STX8: variants seen among roughly 807,000 people sequenced by gnomAD.
STX8 encodes syntaxin 8.
STX8 carries 23 observed loss-of-function variants against 37.5 expected under a neutral mutation model. That is an observed-to-expected ratio of 0.61 (90% CI 0.44 to 0.87). The LOEUF (loss-of-function observed/expected upper bound fraction) is 0.87. Ranked by LOEUF, STX8 falls within the 40% of genes least tolerant of loss-of-function variation. The pLI is 0.00. For missense variants in STX8, 313 were observed against 284.7 expected (o/e 1.10, Z -0.71); for synonymous variants, 115 against 99.1 (o/e 1.16, Z -0.95).
chr17:9,461,596 T>C (rs1905391179), intron 6 of STX8, among the ~76,000 whole-genome samples: 1 of 152,166 alleles, frequency 6.6e-6, no homozygotes, highest in South Asian at 2.1e-4. Context: ...CAGAGAAAGC[T>C]GGTGCTTGTG....
At chr17:9,438,477 T>C (rs1345787711) in intron 6 of STX8, among the ~76,000 whole-genome samples, 1 of 152,126 alleles carries the variant, frequency 6.6e-6, no homozygotes, top group Non-Finnish European at 1.5e-5. Flanking sequence ...GGTAATTCAT[T>C]GGCACACTAA....
intron 7 of STX8, among the ~76,000 whole-genome samples, chr17:9,336,414 T>A (rs1186413102): frequency 6.6e-6 from 1 of 151,432 alleles, no homozygotes; most frequent in African/African-American, 2.4e-5. Context: ...CTCCCTTCCT[T>A]CCCCTTCCTT....
chr17:9,410,457 C>G (rs1222017101), intron 6 of STX8, among the ~76,000 whole-genome samples: 1 of 152,200 alleles, frequency 6.6e-6, no homozygotes, highest in African/African-American at 2.4e-5. Flanking sequence ...ACAGTGGAGA[C>G]TGGCTCCCAC....
chr17:9,338,500 C>T, intron 7 of STX8, among the ~76,000 whole-genome samples: 1 of 152,152 alleles, frequency 6.6e-6, no homozygotes, highest in East Asian at 1.9e-4. Context: ...ACTCAAGTCT[C>T]TTCCAGTCAT....
chr17:9,255,553 A>AGT (rs1567756283), intron 7 of STX8, among the ~76,000 whole-genome samples: 1 of 28,146 alleles, frequency 3.6e-5, no homozygotes, highest in Non-Finnish European at 2.3e-4. Context: ...TAAATAAATA[A>AGT]ATATATAAAT....
At chr17:9,323,426 ACT>A (rs1409530514) in intron 7 of STX8, among the ~76,000 whole-genome samples, 3 of 152,192 alleles carry the variant, frequency 2.0e-5, no homozygotes, top group African/African-American at 7.2e-5. Flanking sequence ...ACGTCAAATA[ACT>A]CTGTATTTTA....
At chr17:9,515,019 G>T (rs760730436) in intron 4 of STX8, among the ~76,000 whole-genome samples, 3 of 151,990 alleles carry the variant, frequency 2.0e-5, no homozygotes, top group Non-Finnish European at 4.4e-5. Flanking sequence ...TTATATAGTC[G>T]GCATTGCTCT....
intron 6 of STX8, among the ~76,000 whole-genome samples, chr17:9,434,138 G>A (rs1170875723): frequency 1.3e-5 from 2 of 152,076 alleles, no homozygotes; most frequent in African/African-American, 4.8e-5. Context: ...TGAGTAGCTG[G>A]GATTACAGAC....
At chr17:9,542,843 A>G (rs1324487428) in intron 4 of STX8, among the ~76,000 whole-genome samples, 2 of 152,180 alleles carry the variant, frequency 1.3e-5, no homozygotes, top group Non-Finnish European at 2.9e-5. Flanking sequence ...AGTTTGTAAC[A>G]CACTGCCAGG....
At chr17:9,471,407 T>C (rs1905862001) in intron 6 of STX8, among the ~76,000 whole-genome samples, 1 of 151,890 alleles carries the variant, frequency 6.6e-6, no homozygotes. Context: ...TACCTCGGCC[T>C]CCCAAAGTGC....
At chr17:9,473,268 C>T (rs1046456493) in intron 6 of STX8, among the ~76,000 whole-genome samples, 1 of 152,162 alleles carries the variant, frequency 6.6e-6, no homozygotes, top group African/African-American at 2.4e-5. Flanking sequence ...ATCTGCCCGT[C>T]TTGGCCTCCC....
At chr17:9,300,616 A>G (rs1908736972) in intron 7 of STX8, among the ~76,000 whole-genome samples, 1 of 151,964 alleles carries the variant, frequency 6.6e-6, no homozygotes, top group South Asian at 2.1e-4. Context: ...TGAGAATACA[A>G]TTTTTGTATA....
At chr17:9,282,056 C>T (rs1269447058) in intron 7 of STX8, among the ~76,000 whole-genome samples, 1 of 152,232 alleles carries the variant, frequency 6.6e-6, no homozygotes, top group Admixed American at 6.5e-5. Flanking sequence ...CATTTCCCCC[C>T]TCTATCTGAG....
chr17:9,485,469 G>A (rs1906548342), intron 6 of STX8, among the ~76,000 whole-genome samples: 1 of 152,186 alleles, frequency 6.6e-6, no homozygotes, highest in Non-Finnish European at 1.5e-5. Flanking sequence ...AAAAATGTAT[G>A]CCTGCTGTTG....
At chr17:9,543,802 G>A (rs1906382543) in intron 4 of STX8, among the ~76,000 whole-genome samples, 2 of 152,116 alleles carry the variant, frequency 1.3e-5, no homozygotes, top group South Asian at 2.1e-4. Flanking sequence ...TGCCAACAGA[G>A]TATCACCCCT....
intron 7 of STX8, among the ~76,000 whole-genome samples, chr17:9,295,300 A>T (rs73265963): frequency 0.013 from 1,990 of 152,294 alleles, 44 homozygotes; most frequent in African/African-American, 0.046. Flanking sequence ...TTTTAAAACA[A>T]GCCTAACTGT....
At chr17:9,314,733 C>T (rs1009596958) in intron 7 of STX8, among the ~76,000 whole-genome samples, 1 of 150,918 alleles carries the variant, frequency 6.6e-6, no homozygotes, top group Non-Finnish European at 1.5e-5. Context: ...CTGTATATAC[C>T]CTGAGGAATA....
At chr17:9,323,697 G>A (rs1299121565) in intron 7 of STX8, among the ~76,000 whole-genome samples, 1 of 152,112 alleles carries the variant, frequency 6.6e-6, no homozygotes, top group Non-Finnish European at 1.5e-5. Context: ...GAAAGGAAGG[G>A]AGATTGCGTT....
At chr17:9,503,115 A>AAAG (rs1904685595) in intron 5 of STX8, among the ~76,000 whole-genome samples, 1 of 150,738 alleles carries the variant, frequency 6.6e-6, no homozygotes, top group African/African-American at 2.4e-5. Flanking sequence ...CAAAAAAAAA[A>AAAG]AAAAAAAAAA....
Sources: gnomAD v4.1 joint callset for allele counts (sites outside exome capture counted in the v4.1 genomes callset) on GRCh38, gnomAD v4.1.1 for gene constraint, MANE v1.5 for transcripts, NCBI Gene and HGNC (gene_info 2026-07-23, HGNC 2026-07-21) for gene names.